MICAL3: variants seen among roughly 807,000 people sequenced by gnomAD.
The protein encoded by MICAL3 is microtubule associated monooxygenase, calponin and LIM domain containing 3.
In MICAL3, 62 loss-of-function variants were observed where a neutral mutation model predicts 207.4. That is an observed-to-expected ratio of 0.30 (90% CI 0.24 to 0.37). The LOEUF is 0.37. Ranked by LOEUF, MICAL3 falls within the 10% of genes least tolerant of loss-of-function variation. The probability of loss-of-function intolerance (pLI) is 1.00; values close to 1 mark genes in which losing one functional copy is unlikely to be tolerated. For synonymous variants in MICAL3, 1,077 were observed against 1,069.3 expected (o/e 1.01, Z -0.14); for missense variants, 2,368 against 2,635.6 (o/e 0.90, Z 2.22).
At position 17,787,680 on chromosome 22, in the gene MICAL3, C is replaced by T. The variant is rs2061798902; in HGVS notation, c.*3052G>A. On this transcript the variant is annotated 3_prime_UTR_variant, in exon 32 of 32. Transcript: ENST00000441493. ...TGAAAAACTTTTATTTTGCATAAAA[C>T]AGACCCATTCCCTTTGTGGGTCAGA... The T allele has an allele frequency of 6.6e-6, 1 of 152,246 alleles. No individual in the cohort carries two copies. The highest frequency in any genetic ancestry group is 1.5e-5 in the Non-Finnish European group (1 of 68,042). 9.4% of individuals were successfully genotyped at this position (152,246 alleles called of 1,614,324 possible). A position where few individuals can be genotyped will look rare whatever the true frequency, so the allele number is the denominator to read the frequency against.
intron 1 of MICAL3, among the ~76,000 whole-genome samples, chr22:17,923,400 TACC>T (rs1477831018): frequency 1.3e-5 from 2 of 152,210 alleles, no homozygotes; most frequent in African/African-American, 4.8e-5. Context: ...GCCAGCAACC[TACC>T]ACATTTTTTT....
At chr22:17,914,386 G>A (rs1932341970) in intron 1 of MICAL3, among the ~76,000 whole-genome samples, 2 of 152,102 alleles carry the variant, frequency 1.3e-5, no homozygotes, top group Admixed American at 6.5e-5. Flanking sequence ...CACGCCTATG[G>A]CATCTTCACC....
intron 15 of MICAL3, 95 bp from the exon 16 acceptor site, chr22:17,886,146 G>A: frequency 7.4e-7 from 1 of 1,359,288 alleles, no homozygotes; most frequent in Non-Finnish European, 1.0e-6. Flanking sequence ...CTGGCATGGG[G>A]GCTGGTGGAC....
rs1046945210 is a variant in MICAL3 at position 17,796,044 on chromosome 22, G to A, written c.5651-4743C>T. Among the ~76,000 whole-genome samples, 1 of 152,146 alleles carries A rather than the reference G, an allele frequency of 6.6e-6. No individual in the cohort carries two copies. The highest frequency in any genetic ancestry group is 2.4e-5 in the African/African-American group (1 of 41,412). ...TGGTTTTTCTCAACATCAGGGTAAC[G>A]GGTTTCCATCTGTTGCTAACAGGTG... On this transcript the variant is annotated intron_variant, in intron 29 of 31. Coordinates refer to ENST00000441493, the MANE Select transcript of MICAL3 (RefSeq NM_015241.3). This position sits in a 1 kb window ranked among gnomAD's most constrained non-coding sequence, Gnocchi z 4.4.
chr22:17,863,855 T>C, intron 19 of MICAL3: 1 of 985,496 alleles, frequency 1.0e-6, no homozygotes, highest in Non-Finnish European at 1.2e-6. Context: ...GACCAACTCC[T>C]CCTCCACATT....
At chr22:17,844,441 T>G (rs959458981) in intron 19 of MICAL3, among the ~76,000 whole-genome samples, 2 of 152,214 alleles carry the variant, frequency 1.3e-5, no homozygotes, top group African/African-American at 4.8e-5. Context: ...GTGCAGTGTT[T>G]GAACGTCTTT....
intron 16 of MICAL3, among the ~76,000 whole-genome samples, chr22:17,877,248 G>C (rs1471742563): frequency 1.2e-4 from 15 of 121,136 alleles, no homozygotes; most frequent in Admixed American, 3.9e-4. Flanking sequence ...GGTTAGGGAG[G>C]TTAGGGAGGT....
chr22:17,936,843 T>C (rs1453418377), intron 1 of MICAL3, among the ~76,000 whole-genome samples: 1 of 152,188 alleles, frequency 6.6e-6, no homozygotes, highest in East Asian at 1.9e-4. Context: ...GAGAAGCTTT[T>C]CTGAGTAACT....
intron 29 of MICAL3, among the ~76,000 whole-genome samples, chr22:17,794,796 C>G (rs2061858571): frequency 6.6e-6 from 1 of 152,164 alleles, no homozygotes; most frequent in Non-Finnish European, 1.5e-5. Flanking sequence ...AGAGACATCT[C>G]TAGATCTGGG....
intron 1 of MICAL3, among the ~76,000 whole-genome samples, chr22:17,991,333 GC>G (rs1340922386): frequency 6.6e-6 from 1 of 152,252 alleles, no homozygotes; most frequent in Non-Finnish European, 1.5e-5. Flanking sequence ...ATATCAGACT[GC>G]CTAAAATATT....
chr22:17,961,728 C>T (rs575491454), intron 1 of MICAL3, among the ~76,000 whole-genome samples: 1 of 152,270 alleles, frequency 6.6e-6, no homozygotes, highest in African/African-American at 2.4e-5. Flanking sequence ...AGGCCTGCAC[C>T]CCTAACCGAC....
At chr22:17,866,763 G>A (rs1927203506) in intron 17 of MICAL3, among the ~76,000 whole-genome samples, 1 of 152,234 alleles carries the variant, frequency 6.6e-6, no homozygotes. Context: ...GGGTCTCAAT[G>A]TAACGTGCAT....
chr22:17,877,369 G>GGGAGGTTATGGAGGTTAT (rs1928819495), intron 16 of MICAL3, among the ~76,000 whole-genome samples: 2 of 21,538 alleles, frequency 9.3e-5, no homozygotes, highest in Non-Finnish European at 9.3e-5. Context: ...ATGGAGGTTA[G>GGGAGGTTATGGAGGTTAT]GGAGGTGAGG....
chr22:17,800,835 C>T (rs942266491), intron 29 of MICAL3, among the ~76,000 whole-genome samples: 11 of 152,160 alleles, frequency 7.2e-5, no homozygotes, highest in East Asian at 1.9e-4. Context: ...CTCCAATTAA[C>T]GAATATTACT....
intron 27 of MICAL3, chr22:17,811,364 C>T (rs547023505): frequency 6.5e-6 from 1 of 153,096 alleles, no homozygotes; most frequent in East Asian, 1.9e-4. Context: ...TGAGAGTCTT[C>T]CAAGAAATGA....
At chr22:17,822,004 G>C in intron 24 of MICAL3, 26 bp downstream of exon 24, 1 of 1,611,380 alleles carries the variant, frequency 6.2e-7, no homozygotes, top group Non-Finnish European at 8.5e-7. Context: ...TCTGAAAGTT[G>C]TTTCTCCCAT....
At chr22:17,856,949 T>C (rs1925982804) in intron 19 of MICAL3, among the ~76,000 whole-genome samples, 1 of 152,336 alleles carries the variant, frequency 6.6e-6, no homozygotes, top group African/African-American at 2.4e-5. Context: ...AAGAACCTAC[T>C]GACCTAGTCT....
At chr22:17,860,295 C>A in intron 19 of MICAL3, 1 of 985,408 alleles carries the variant, frequency 1.0e-6, no homozygotes, top group Non-Finnish European at 1.2e-6. Flanking sequence ...CAAAGAAACA[C>A]ACCAAGAACT....
chr22:17,855,724 T>C (rs775087997), intron 19 of MICAL3, among the ~76,000 whole-genome samples: 11 of 152,250 alleles, frequency 7.2e-5, no homozygotes, highest in Non-Finnish European at 1.0e-4. Context: ...GATGAAATCC[T>C]TTGCCTTTAT....
Sources: allele counts gnomAD v4.1 joint callset (sites outside exome capture counted in the v4.1 genomes callset), GRCh38; gene constraint gnomAD v4.1.1; non-coding constraint Gnocchi (gnomAD v3.1); transcripts MANE v1.5; gene names NCBI Gene and HGNC (gene_info 2026-07-23, HGNC 2026-07-21).